The following GNAZ variants were observed in gnomAD, a reference collection of about 807,000 sequenced individuals.
GNAZ encodes G protein subunit alpha z.
GNAZ carries 3 observed loss-of-function variants against 25.4 expected under a neutral mutation model. The ratio of observed to expected loss-of-function variants is 0.12; its 90% CI spans 0.05 to 0.30. The LOEUF is 0.30. Ranked by LOEUF, GNAZ falls within the 10% of genes least tolerant of loss-of-function variation. The probability of loss-of-function intolerance (pLI) is 1.00; values close to 1 mark genes in which losing one functional copy is unlikely to be tolerated. For synonymous variants in GNAZ, 211 were observed against 205.7 expected (o/e 1.03, Z -0.22); for missense variants, 241 against 501.8 (o/e 0.48, Z 4.97).
intron 1 of GNAZ, among the ~76,000 whole-genome samples, chr22:23,090,490 A>G (rs1434828376): frequency 6.6e-6 from 1 of 152,136 alleles, no homozygotes; most frequent in East Asian, 1.9e-4. Flanking sequence ...CACACAGGGC[A>G]GGTCATGGCA....
intron 2 of GNAZ, among the ~76,000 whole-genome samples, chr22:23,122,020 G>A (rs1391735021): frequency 1.3e-5 from 2 of 152,234 alleles, no homozygotes; most frequent in Middle Eastern, 3.4e-3. Context: ...TGTGAGCCAC[G>A]GCGCCTGGCC....
chr22:23,107,874 G>A (rs1055117263), intron 2 of GNAZ, among the ~76,000 whole-genome samples: 3 of 152,160 alleles, frequency 2.0e-5, no homozygotes, highest in East Asian at 1.9e-4. Flanking sequence ...ATTGACCGAC[G>A]AAGCCACAGT....
At chr22:23,083,783 C>T (rs1298648173) in intron 1 of GNAZ, among the ~76,000 whole-genome samples, 1 of 152,188 alleles carries the variant, frequency 6.6e-6, no homozygotes, top group Admixed American at 6.5e-5. Flanking sequence ...AAGTCCAGTC[C>T]CACTGCCGAA....
intron 1 of GNAZ, among the ~76,000 whole-genome samples, chr22:23,094,829 A>G (rs886773115): frequency 1.1e-4 from 16 of 152,194 alleles, no homozygotes; most frequent in African/African-American, 3.9e-4. Flanking sequence ...CAGTTATCCC[A>G]GGGCTGGGCC....
chr22:23,100,420 C>T (rs950718671), intron 2 of GNAZ, among the ~76,000 whole-genome samples: 5 of 152,236 alleles, frequency 3.3e-5, no homozygotes, highest in African/African-American at 1.2e-4. Context: ...ATCTGAGAGA[C>T]AGCTGGTCAA....
intron 2 of GNAZ, among the ~76,000 whole-genome samples, chr22:23,113,799 G>A (rs568879575): frequency 4.4e-4 from 67 of 152,368 alleles, no homozygotes; most frequent in African/African-American, 1.5e-3. Flanking sequence ...GGCCCAGGCA[G>A]GTTGCAGAGG....
chr22:23,080,119 C>G (rs563295179), intron 1 of GNAZ, among the ~76,000 whole-genome samples: 1 of 151,330 alleles, frequency 6.6e-6, no homozygotes, highest in East Asian at 1.9e-4. Context: ...GGCCCCACTT[C>G]TTCTCTGCTG....
At chr22:23,086,109 G>T (rs761645722) in intron 1 of GNAZ, among the ~76,000 whole-genome samples, 1 of 152,246 alleles carries the variant, frequency 6.6e-6, no homozygotes, top group Non-Finnish European at 1.5e-5. Context: ...TCCACTGAAA[G>T]TAGGACTATG....
chr22:23,091,517 C>G (rs895506311), intron 1 of GNAZ, among the ~76,000 whole-genome samples: 11 of 151,278 alleles, frequency 7.3e-5, no homozygotes, highest in Admixed American at 2.6e-4. Flanking sequence ...TACATGCACA[C>G]ACACCGCAAT....
chr22:23,092,401 C>T (rs1465288061), intron 1 of GNAZ, among the ~76,000 whole-genome samples: 1 of 152,124 alleles, frequency 6.6e-6, no homozygotes, highest in East Asian at 1.9e-4. Context: ...CCCCCAAACA[C>T]AACACAGCCC....
At chr22:23,097,857 T>A (rs1285477970) in intron 2 of GNAZ, among the ~76,000 whole-genome samples, 1 of 152,216 alleles carries the variant, frequency 6.6e-6, no homozygotes, top group Non-Finnish European at 1.5e-5. Flanking sequence ...CACACGGGCT[T>A]GCGCCACTGG....
intron 1 of GNAZ, among the ~76,000 whole-genome samples, chr22:23,087,886 A>C (rs903327624): frequency 2.0e-5 from 3 of 152,192 alleles, no homozygotes; most frequent in African/African-American, 7.2e-5. Context: ...GGAGGGTCAG[A>C]ATCTTTAGCC....
chr22:23,083,238 G>A (rs1354852058), intron 1 of GNAZ, among the ~76,000 whole-genome samples: 1 of 152,106 alleles, frequency 6.6e-6, no homozygotes, highest in African/African-American at 2.4e-5. Flanking sequence ...GGAGGCCTGG[G>A]GTATTGGGGG....
intron 2 of GNAZ, among the ~76,000 whole-genome samples, chr22:23,116,611 G>T (rs143138677): frequency 4.5e-4 from 68 of 152,346 alleles, no homozygotes; most frequent in East Asian, 4.2e-3. Context: ...TGCAGGATGG[G>T]CTGTGATACT....
At chr22:23,099,333 G>A (rs987676948) in intron 2 of GNAZ, among the ~76,000 whole-genome samples, 9 of 152,350 alleles carry the variant, frequency 5.9e-5, no homozygotes, top group East Asian at 1.9e-4. Flanking sequence ...CCATGGCCAC[G>A]GTTCCCACCC....
intron 1 of GNAZ, among the ~76,000 whole-genome samples, chr22:23,074,114 C>G (rs2068447681): frequency 6.6e-6 from 1 of 152,128 alleles, no homozygotes; most frequent in Admixed American, 6.5e-5. Flanking sequence ...CTGCAGGACT[C>G]AGTGGGCCCC....
At chr22:23,105,684 C>G (rs2069449263) in intron 2 of GNAZ, among the ~76,000 whole-genome samples, 1 of 152,240 alleles carries the variant, frequency 6.6e-6, no homozygotes, top group Admixed American at 6.5e-5. Flanking sequence ...CCTGGCCAGG[C>G]CTGTGTCTGT....
chr22:23,123,236 C>T lies in GNAZ; in HGVS notation c.873C>T (p.Tyr291=). ...RIPLTICFPE[Y]KGQNTYEEAA... ...CGCTCACCATCTGCTTTCCCGAGTA[C>T]AAGGGCCAGAACACGTACGAGGAGG... Residue 291 remains tyrosine, a synonymous_variant, in exon 3 of 3, where the codon TAC becomes TAT. Coordinates refer to ENST00000615612, the MANE Select transcript of GNAZ (RefSeq NM_002073.4). 1 of 1,614,170 alleles carries T rather than the reference C, an allele frequency of 6.2e-7. No individual in the cohort carries two copies. The highest frequency in any genetic ancestry group is 2.2e-5 in the East Asian group (1 of 44,880).
At chr22:23,110,308 A>G (rs1424937879) in intron 2 of GNAZ, among the ~76,000 whole-genome samples, 4 of 152,072 alleles carry the variant, frequency 2.6e-5, no homozygotes, top group Admixed American at 1.3e-4. Context: ...CTCGGAGGTG[A>G]ACAGAACTGG....
Sources: gnomAD v4.1 joint callset for allele counts (sites outside exome capture counted in the v4.1 genomes callset) on GRCh38, gnomAD v4.1.1 for gene constraint, MANE v1.5 for transcripts, NCBI Gene and HGNC (gene_info 2026-07-23, HGNC 2026-07-21) for gene names.